The following NUFIP2 variants were observed in gnomAD, a reference collection of about 807,000 sequenced individuals.
The protein encoded by NUFIP2 is nuclear FMR1 interacting protein 2.
NUFIP2 carries 6 observed loss-of-function variants against 56.9 expected under a neutral mutation model. The ratio of observed to expected loss-of-function variants is 0.11; its 90% confidence interval spans 0.06 to 0.21. The LOEUF is 0.21. Among genes scored for constraint, NUFIP2 ranks in the 10% least tolerant of loss-of-function variants. The probability of loss-of-function intolerance (pLI) is 1.00; values close to 1 mark genes in which losing one functional copy is unlikely to be tolerated. For missense variants in NUFIP2, 828 were observed against 826.8 expected (o/e 1.00, Z -0.02); for synonymous variants, 321 against 298.2 (o/e 1.08, Z -0.79).
intron 2 of NUFIP2, among the ~76,000 whole-genome samples, chr17:29,271,709 G>A (rs2069073720): frequency 6.6e-6 from 1 of 152,088 alleles, no homozygotes; most frequent in South Asian, 2.1e-4. Flanking sequence ...AACAAGGTTA[G>A]GATCAGAAAG....
chr17:29,282,005 A>T (rs1160876508), intron 2 of NUFIP2, among the ~76,000 whole-genome samples: 2 of 151,470 alleles, frequency 1.3e-5, no homozygotes, highest in East Asian at 4.0e-4. Flanking sequence ...CTCGTGATCC[A>T]CCCTCCTTGG....
chr17:29,277,110 C>T (rs550436400), intron 2 of NUFIP2, among the ~76,000 whole-genome samples: 4 of 152,110 alleles, frequency 2.6e-5, no homozygotes, highest in Admixed American at 1.3e-4. Context: ...CAGCAACCTC[C>T]GCCTCCCAGG....
chr17:29,284,726 A>G (rs1177895675), intron 2 of NUFIP2, among the ~76,000 whole-genome samples: 1 of 150,660 alleles, frequency 6.6e-6, no homozygotes, highest in East Asian at 1.9e-4. Flanking sequence ...AAAAAAAAAA[A>G]AGAAAAAAAA....
At chr17:29,281,481 C>T (rs769203975) in intron 2 of NUFIP2, among the ~76,000 whole-genome samples, 164 of 146,180 alleles carry the variant, frequency 1.1e-3, no homozygotes, top group Non-Finnish European at 1.9e-3. Flanking sequence ...AACACAGCAA[C>T]ACCCTGTCTC....
At chr17:29,265,125 C>T (rs1293679488) in intron 3 of NUFIP2, among the ~76,000 whole-genome samples, 3 of 152,132 alleles carry the variant, frequency 2.0e-5, no homozygotes, top group African/African-American at 7.2e-5. Flanking sequence ...CCCACAGTAA[C>T]ACCAGCCTTT....
At position 29,286,235 on chromosome 17, in the gene NUFIP2, C is replaced by G; in HGVS notation, c.1759G>C (p.Glu587Gln). ...GGTTCCAAGGATAAGGCTCCACTCTCACTAGTAGTCCCAGATTTTAGAATG... is the reference window on the plus strand; with the variant it reads ...GGTTCCAAGGATAAGGCTCCACTCTGACTAGTAGTCCCAGATTTTAGAATG... ...GSILKSGTTS[E>Q]SGALSLEPSH... The change falls in exon 2 of 4, where the codon GAG becomes CAG. Residue 587 changes from glutamate (E) to glutamine (Q), a missense_variant. Coordinates refer to ENST00000225388, the MANE Select transcript of NUFIP2 (RefSeq NM_020772.3). 1.2e-6 allele frequency: 2 copies of G among 1,614,194 alleles called. No homozygotes were observed. Among genetic ancestry groups the G allele is most frequent in the Non-Finnish European group, 1.7e-6 (2 of 1,180,034 alleles).
chr17:29,261,656 C>T lies in NUFIP2; in HGVS notation c.*2883G>A, dbSNP rs1272705885. ...TCTTAAGATTTTTTTTTAATAAGTG[C>T]TCTGTAAGGAATTGTGTGAGGACCT... On this transcript the variant is annotated 3_prime_UTR_variant, in exon 4 of 4. Transcript: ENST00000225388. The T allele has an allele frequency of 6.6e-6, 1 of 152,292 alleles. No individual in the cohort carries two copies. Among genetic ancestry groups the T allele is most frequent in the Non-Finnish European group, 1.5e-5 (1 of 67,948 alleles). 9.4% of individuals were successfully genotyped at this position (152,292 alleles called of 1,614,324 possible). A position where few individuals can be genotyped will look rare whatever the true frequency, so the allele number is the denominator to read the frequency against.
At chr17:29,293,687 C>G in intron 1 of NUFIP2, 96 bp downstream of exon 1, 1 of 1,329,832 alleles carries the variant, frequency 7.5e-7, no homozygotes, top group Middle Eastern at 2.8e-4. Context: ...ACACACACAC[C>G]CCGACCCCGT....
chr17:29,287,723 G>A lies in NUFIP2; in HGVS notation c.278-7C>T, dbSNP rs1475876182. On this transcript the variant is annotated splice_polypyrimidine_tract_variant and splice_region_variant and intron_variant, in intron 1 of 3. Coordinates refer to ENST00000225388, the MANE Select transcript of NUFIP2 (RefSeq NM_020772.3). ...CCGTTTAGTTCACCATAGCCTAGGG[G>A]AGGGGAAAAAAAGGATTAAAAAAAA... The A allele has an allele frequency of 5.8e-6, 9 of 1,561,170 alleles. No individual in the cohort carries two copies. The Admixed American group carries it at 8.6e-5, about 15-fold the overall frequency.
chr17:29,292,886 G>T lies in NUFIP2; in HGVS notation c.277+897C>A, dbSNP rs531722092. Among the ~76,000 whole-genome samples the T allele has an allele frequency of 2.8e-4, 41 of 146,204 alleles. 3 individuals carry two copies. Among genetic ancestry groups the T allele is most frequent in the African/African-American group, 7.0e-4 (28 of 40,106 alleles). ...TACACAACCCCGGCCGGCGACGGGGGGGGGGGCGGCCGCGGTGCGGGGGGC... is the reference window on the plus strand; with the variant it reads ...TACACAACCCCGGCCGGCGACGGGGTGGGGGGCGGCCGCGGTGCGGGGGGC... On this transcript the variant is annotated intron_variant, in intron 1 of 3. Coordinates refer to ENST00000225388, the MANE Select transcript of NUFIP2 (RefSeq NM_020772.3).
chr17:29,259,321 C>A lies in NUFIP2; in HGVS notation c.*5218G>T, dbSNP rs1428565572. ...ACTTGGCCGGGCACGGTGGCTCACA[C>A]CTGTAATTCCAGCACTTTGGGAGGC... On this transcript the variant is annotated 3_prime_UTR_variant, in exon 4 of 4. Coordinates refer to ENST00000225388, the MANE Select transcript of NUFIP2 (RefSeq NM_020772.3). The A allele has an allele frequency of 1.3e-5, 2 of 152,198 alleles. No individual in the cohort carries two copies. The highest frequency in any genetic ancestry group is 1.3e-4 in the Admixed American group (2 of 15,276). 9.4% of individuals were successfully genotyped at this position (152,198 alleles called of 1,614,324 possible). A position where few individuals can be genotyped will look rare whatever the true frequency, so the allele number is the denominator to read the frequency against.
intron 3 of NUFIP2, among the ~76,000 whole-genome samples, chr17:29,266,366 G>GC (rs2069036643): frequency 1.3e-5 from 2 of 152,032 alleles, no homozygotes; most frequent in African/African-American, 4.8e-5. Flanking sequence ...ATCAGGGGAA[G>GC]CTACATTCTA....
In NUFIP2 at chr17:29,294,028, T is replaced by A; in HGVS notation, c.32A>T (p.Gln11Leu). The change falls in exon 1 of 4, where the codon CAG becomes CTG. Residue 11 changes from glutamine to leucine, a missense_variant. Physicochemically the swap from Gln to Leu is moderately radical, Grantham distance 113 (BLOSUM62 -2). Coordinates refer to ENST00000225388, the MANE Select transcript of NUFIP2 (RefSeq NM_020772.3). Reference protein sequence around the residue: MEEKPGQPQPQHHHSHHHPHH... With the variant: MEEKPGQPQPLHHHSHHHPHH... ...CGGATGGTGGTGGCTGTGATGGTGC[T>A]GAGGCTGTGGCTGGCCGGGCTTCTC... is the stretch of plus-strand genomic sequence containing the variant. The A allele has an allele frequency of 6.2e-7, 1 of 1,609,514 alleles. No homozygotes were observed.
rs538537634 is a variant in NUFIP2, at chr17:29,293,569, T to C, written c.277+214A>G. On this transcript the variant is annotated intron_variant, in intron 1 of 3. Coordinates refer to ENST00000225388, the MANE Select transcript of NUFIP2 (RefSeq NM_020772.3). The stretch of plus-strand genomic sequence containing the variant: ...CGGGGCCAGGAAGGTCACGCTGGCC[T>C]GGCTGGGCCTCTCCCATGCTGGAGG... Among the ~76,000 whole-genome samples, 34 of 152,236 alleles carry C rather than the reference T, an allele frequency of 2.2e-4. No homozygotes were observed. In the South Asian group the frequency reaches 6.6e-3, roughly 30 times the overall value.
Position 29,287,634 on chromosome 17 carries a change from A to C in NUFIP2, c.360T>G (p.Ile120Met), listed in dbSNP as rs1195573875. Reference protein sequence around the residue: ...NLSSDEATNPISRVLNGNQQV... With the variant: ...NLSSDEATNPMSRVLNGNQQV... ...GCTGGTTGCCATTGAGGACCCTGGA[A>C]ATAGGGTTGGTGGCTTCATCAGAAC... Residue 120 changes from isoleucine to methionine, a missense_variant, in exon 2 of 4, where the codon ATT becomes ATG. Around this residue, in one of 3 missense-constraint regions of NUFIP2, gnomAD observed 415 missense variants for 408.7 expected, o/e 1.02. Transcript: ENST00000225388. 6.2e-7 allele frequency: 1 copy of C among 1,614,046 alleles called. No homozygotes were observed.
intron 2 of NUFIP2, among the ~76,000 whole-genome samples, chr17:29,279,357 T>A (rs797968): frequency 0.65 from 98,255 of 151,900 alleles, 32,244 homozygotes; most frequent in East Asian, 0.87. Flanking sequence ...AAATTTTTTT[T>A]AAAATTCAGA....
At chr17:29,267,208 A>AT (rs71359290) in intron 3 of NUFIP2, among the ~76,000 whole-genome samples, 2,494 of 136,278 alleles carry the variant, frequency 0.018, 35 homozygotes, top group Admixed American at 0.064. Context: ...CCGGCCCTAC[A>AT]TTTTTTTTTT....
At chr17:29,291,755 A>T (rs2069214985) in intron 1 of NUFIP2, among the ~76,000 whole-genome samples, 1 of 152,234 alleles carries the variant, frequency 6.6e-6, no homozygotes. Flanking sequence ...ATCTAATGCT[A>T]AAAAATCTAG....
chr17:29,265,295 ATTTTAT>A (rs965735155), intron 3 of NUFIP2, among the ~76,000 whole-genome samples: 2 of 127,096 alleles, frequency 1.6e-5, no homozygotes, highest in African/African-American at 6.2e-5. Context: ...TTATTTTTTT[ATTTTAT>A]TTTATTTTTT....
Sources: allele counts gnomAD v4.1 joint callset (sites outside exome capture counted in the v4.1 genomes callset), GRCh38; gene constraint gnomAD v4.1.1; regional missense constraint gnomAD v4.1.1; transcripts MANE v1.5; gene names NCBI Gene and HGNC (gene_info 2026-07-23, HGNC 2026-07-21).